Variants in RHOC observed in about 807,000 individuals in gnomAD.
The protein encoded by RHOC is rho-related GTP-binding protein RhoC.
Under a neutral mutation model 19.5 loss-of-function variants are expected in RHOC, and 13 were observed. The observed-to-expected ratio is 0.67, with a 90% confidence interval of 0.43 to 1.06. The LOEUF is 1.06. RHOC is among the 50% of genes least tolerant of loss of function. The pLI, the probability that RHOC is intolerant of heterozygous loss-of-function variation, is 0.00. For missense variants in RHOC, 173 were observed against 256.9 expected (o/e 0.67, Z 2.23); for synonymous variants, 106 against 97.3 (o/e 1.09, Z -0.52).
In RHOC at chr1:112,701,562, C is replaced by T. The variant is rs779142435; in HGVS notation, c.560G>A (p.Arg187Gln). The T allele has an allele frequency of 1.4e-5, 22 of 1,613,952 alleles. No homozygotes were observed. The highest frequency in any genetic ancestry group is 2.7e-5 in the African/African-American group (2 of 74,900). ...AGLQVRKNKR[R>Q]RGCPIL is the part of the protein sequence containing the mutation. Reference sequence around the variant, plus strand: ...ATCTCAGAGAATGGGACAGCCCCTCCGACGCTTGTTCTTGCGGACCTGGAG... The same window carrying T: ...ATCTCAGAGAATGGGACAGCCCCTCTGACGCTTGTTCTTGCGGACCTGGAG... The change falls in exon 6 of 6, where the codon CGG (arginine) becomes CAG (glutamine). Residue 187 changes from arginine (R) to glutamine (Q), a missense_variant. By Grantham distance (43) the Arg-to-Gln change is conservative. Transcript: ENST00000339083.
At chr1:112,703,170 C>CCTTGATA in intron 3 of RHOC, 51 bp from the exon 4 acceptor site, 1 of 1,606,202 alleles carries the variant, frequency 6.2e-7, no homozygotes. Context: ...AACCCTGCCA[C>CCTTGATA]CCAAAGGTCC....
Position 112,701,194 on chromosome 1 carries a change from C to T in RHOC, c.*346G>A, listed in dbSNP as rs932395328. On this transcript the variant is annotated 3_prime_UTR_variant, in exon 6 of 6. Transcript: ENST00000339083. The stretch of plus-strand genomic sequence containing the variant: ...ATGCAGTGAGAGACAAGGCCCCTGC[C>T]GAAAACAACTCCAGGGGCCTGGGAC... 2.8e-5 allele frequency: 16 copies of T among 574,598 alleles called. No homozygotes were observed. Among genetic ancestry groups the T allele is most frequent in the Middle Eastern group, 4.6e-4 (1 of 2,186 alleles). 35.6% of individuals were successfully genotyped at this position (574,598 alleles called of 1,614,324 possible).
intron 2 of RHOC, chr1:112,704,729 T>C (rs1674781622): frequency 4.5e-6 from 1 of 224,218 alleles, no homozygotes; most frequent in Non-Finnish European, 9.1e-6. Flanking sequence ...GTCCCAGCAA[T>C]GCCCACAGCT....
In RHOC at chr1:112,703,025, A is replaced by C; in HGVS notation, c.251T>G (p.Phe84Cys). Residue 84 changes from phenylalanine (F) to cysteine (C), a missense_variant, in exon 4 of 6, where the codon TTC becomes TGC. Physicochemically the swap from Phe to Cys is radical, Grantham distance 205 (BLOSUM62 -2). Transcript: ENST00000339083. Reference protein sequence around the residue: ...YPDTDVILMCFSIDSPDSLEN... With the variant: ...YPDTDVILMCCSIDSPDSLEN... Reference sequence around the variant, plus strand: ...CAGGCTGTCAGGGCTGTCGATGGAGAAGCACATGAGGATGACATCAGTGTC... The same window carrying C: ...CAGGCTGTCAGGGCTGTCGATGGAGCAGCACATGAGGATGACATCAGTGTC... The C allele has an allele frequency of 6.2e-7, 1 of 1,613,916 alleles. No homozygotes were observed.
intron 3 of RHOC, 120 bp from the exon 4 acceptor site, chr1:112,703,239 C>T: frequency 9.3e-7 from 1 of 1,073,872 alleles, no homozygotes. Context: ...CTGCTATGCA[C>T]CAGGCATTAT....
chr1:112,703,413 T>G (rs1281012043), intron 3 of RHOC: 4 of 719,062 alleles, frequency 5.6e-6, no homozygotes, highest in Non-Finnish European at 1.0e-5. Context: ...GTGGGGGAGC[T>G]TAAACCCAGA....
At chr1:112,706,462 CACCACACA>C (rs1674867838) in intron 1 of RHOC, among the ~76,000 whole-genome samples, 4 of 17,206 alleles carry the variant, frequency 2.3e-4, no homozygotes, top group African/African-American at 9.7e-4. Context: ...CACACACACA[CACCACACA>C]CACACACACA....
In RHOC at chr1:112,701,416, C is replaced by T. The variant is rs1471843006; in HGVS notation, c.*124G>A. ...CTCGGGGCTAGAAAACAATGCAGTC[C>T]TGGGCAGGAGGGAACTGAAAATGGG... is the stretch of plus-strand genomic sequence containing the variant. On this transcript the variant is annotated 3_prime_UTR_variant, in exon 6 of 6. Coordinates refer to ENST00000339083, the MANE Select transcript of RHOC (RefSeq NM_175744.5). 1.3e-6 allele frequency: 2 copies of T among 1,596,724 alleles called. No individual in the cohort carries two copies. Among genetic ancestry groups the T allele is most frequent in the East Asian group, 2.3e-5 (1 of 43,946 alleles).
chr1:112,701,679 G>T lies in RHOC; in HGVS notation c.443C>A (p.Ala148Glu), dbSNP rs138756182. The change falls in exon 6 of 6, where the codon GCG becomes GAG. Residue 148 changes from alanine to glutamate, a missense_variant. Around this residue, in one of 2 missense-constraint regions of RHOC, gnomAD observed 81 missense variants for 85.8 expected, o/e 0.94. Coordinates refer to ENST00000339083, the MANE Select transcript of RHOC (RefSeq NM_175744.5). Reference sequence around the variant, plus strand: ...GTAGCCAAAGGCACTGATCCGGTTCGCCATGTCCCGGCCTTCCTCAGACCG... The same window carrying T: ...GTAGCCAAAGGCACTGATCCGGTTCTCCATGTCCCGGCCTTCCTCAGACCG... ...PVRSEEGRDM[A>E]NRISAFGYLE... 4 of 1,613,858 alleles carry T rather than the reference G, an allele frequency of 2.5e-6. No individual in the cohort carries two copies. Among genetic ancestry groups the T allele is most frequent in the Admixed American group, 1.7e-5 (1 of 59,980 alleles).
In RHOC at chr1:112,706,504, A is replaced by ACC. The variant is rs1270404351; in HGVS notation, c.-77+573_-77+574insGG. ...CACACACACACACACACACACACACACACACACACACACACACACACACAC... is the reference window on the plus strand; with the variant it reads ...CACACACACACACACACACACACACACCCACACACACACACACACACACACAC... On this transcript the variant is annotated intron_variant, in intron 1 of 5. Transcript: ENST00000339083. Among the ~76,000 whole-genome samples the ACC allele has an allele frequency of 1.6e-3, 106 of 66,306 alleles. 1 individual carries two copies. Among genetic ancestry groups the ACC allele is most frequent in the Admixed American group, 3.1e-3 (17 of 5,400 alleles). 43.5% of individuals were successfully genotyped at this position (66,306 alleles called of 152,430 possible). A position where few individuals can be genotyped will look rare whatever the true frequency, so the allele number is the denominator to read the frequency against.
In RHOC at chr1:112,703,029, A is replaced by G; in HGVS notation, c.247T>C (p.Cys83Arg). The change falls in exon 4 of 6, where the codon TGC becomes CGC. Residue 83 changes from cysteine (C) to arginine (R), a missense_variant. Physicochemically the swap from Cys to Arg is radical, Grantham distance 180 (BLOSUM62 -3). This residue lies in a region of RHOC where 92 missense variants were observed against 171.1 expected (regional missense o/e 0.54). Coordinates refer to ENST00000339083, the MANE Select transcript of RHOC (RefSeq NM_175744.5). ...SYPDTDVILM[C>R]FSIDSPDSLE... ...CTGTCAGGGCTGTCGATGGAGAAGCACATGAGGATGACATCAGTGTCCGGG... is the reference window on the plus strand; with the variant it reads ...CTGTCAGGGCTGTCGATGGAGAAGCGCATGAGGATGACATCAGTGTCCGGG... 1 of 1,614,112 alleles carries G rather than the reference A, an allele frequency of 6.2e-7. No homozygotes were observed. The highest frequency in any genetic ancestry group is 8.5e-7 in the Non-Finnish European group (1 of 1,180,008).
chr1:112,705,378 C>G (rs747310646), intron 1 of RHOC: 11 of 611,022 alleles, frequency 1.8e-5, no homozygotes, highest in Non-Finnish European at 3.2e-5. Context: ...CACCCCACCA[C>G]CACCTCACAC....
intron 1 of RHOC, chr1:112,705,611 G>C (rs890211414): frequency 2.2e-6 from 1 of 459,930 alleles, no homozygotes; most frequent in Non-Finnish European, 4.4e-6. Flanking sequence ...TCACCCTGTC[G>C]GCAGATCGCC....
In RHOC at chr1:112,701,425, A is replaced by G. The variant is rs1361734281; in HGVS notation, c.*115T>C. ...AGAAAACAATGCAGTCCTGGGCAGG[A>G]GGGAACTGAAAATGGGAGCCTTCAG... is the stretch of plus-strand genomic sequence containing the variant. On this transcript the variant is annotated 3_prime_UTR_variant, in exon 6 of 6. Coordinates refer to ENST00000339083, the MANE Select transcript of RHOC (RefSeq NM_175744.5). 3 of 1,605,384 alleles carry G rather than the reference A, an allele frequency of 1.9e-6. No individual in the cohort carries two copies. Among genetic ancestry groups the G allele is most frequent in the Non-Finnish European group, 2.6e-6 (3 of 1,175,910 alleles).
chr1:112,702,770 C>T (rs1041272528), intron 4 of RHOC, 77 bp from the exon 5 acceptor site: 1 of 1,577,180 alleles, frequency 6.3e-7, no homozygotes, highest in Non-Finnish European at 8.7e-7. Flanking sequence ...CCTCATCTTC[C>T]CAGAGCAGTC....
rs1462741312 is a variant in RHOC at position 112,701,561 on chromosome 1, C to T, written c.561G>A (p.Arg187=). The T allele has an allele frequency of 1.2e-6, 2 of 1,614,000 alleles. No homozygotes were observed. Among genetic ancestry groups the T allele is most frequent in the African/African-American group, 1.3e-5 (1 of 74,908 alleles). ...GATCTCAGAGAATGGGACAGCCCCT[C>T]CGACGCTTGTTCTTGCGGACCTGGA... ...AGLQVRKNKR[R]RGCPIL is the part of the protein sequence containing the mutation. Residue 187 remains arginine, a synonymous_variant, in exon 6 of 6, where the codon CGG becomes CGA. Transcript: ENST00000339083.
chr1:112,706,481 CACACACACA>C (rs1674878814), intron 1 of RHOC, among the ~76,000 whole-genome samples: 1 of 6,708 alleles, frequency 1.5e-4, no homozygotes, highest in Admixed American at 1.8e-3. Flanking sequence ...CACACACACA[CACACACACA>C]CACACACACA....
At position 112,703,814 on chromosome 1, in the gene RHOC, G is replaced by A. The variant is rs1674748083; in HGVS notation, c.-7-8C>T. On this transcript the variant is annotated splice_polypyrimidine_tract_variant and splice_region_variant and intron_variant, in intron 2 of 5. Transcript: ENST00000339083. Reference sequence around the variant, plus strand: ...ATTGCAGCCATGGTGGGGCTGCCAGGAAAGACGTATTGGGGATTTGAGGAA... The same window carrying A: ...ATTGCAGCCATGGTGGGGCTGCCAGAAAAGACGTATTGGGGATTTGAGGAA... 1 of 1,605,836 alleles carries A rather than the reference G, an allele frequency of 6.2e-7. No homozygotes were observed. The highest frequency in any genetic ancestry group is 8.5e-7 in the Non-Finnish European group (1 of 1,176,736).
In RHOC at chr1:112,701,478, T is replaced by C; in HGVS notation, c.*62A>G. ...TGGAGCCCTCAGGAGGCTGGGGTTGTAGGGGGATAATTTCTGTACCCCTGT... is the reference window on the plus strand; with the variant it reads ...TGGAGCCCTCAGGAGGCTGGGGTTGCAGGGGGATAATTTCTGTACCCCTGT... On this transcript the variant is annotated 3_prime_UTR_variant, in exon 6 of 6. Coordinates refer to ENST00000339083, the MANE Select transcript of RHOC (RefSeq NM_175744.5). 3 of 1,613,828 alleles carry C rather than the reference T, an allele frequency of 1.9e-6. No homozygotes were observed. Among genetic ancestry groups the C allele is most frequent in the Non-Finnish European group, 2.5e-6 (3 of 1,179,812 alleles).
Sources: allele counts gnomAD v4.1 joint callset (sites outside exome capture counted in the v4.1 genomes callset), GRCh38; gene constraint gnomAD v4.1.1; regional missense constraint gnomAD v4.1.1; transcripts MANE v1.5; gene names NCBI Gene and HGNC (gene_info 2026-07-23, HGNC 2026-07-21).